The following FIZ1 variants were observed in gnomAD, a reference collection of about 807,000 sequenced individuals.
The protein encoded by FIZ1 is FLT3 interacting zinc finger 1, also known as flt3-interacting zinc finger protein 1.
FIZ1 carries 2 observed loss-of-function variants against 5.3 expected under a neutral mutation model. The ratio of observed to expected loss-of-function variants is 0.37; its 90% CI spans 0.15 to 1.18. The LOEUF (loss-of-function observed/expected upper bound fraction) is 1.18, where lower values mean the gene tolerates loss of function less well. FIZ1 is among the 50% of genes most tolerant of loss of function. The pLI, the probability that FIZ1 is intolerant of heterozygous loss-of-function variation, is 0.37. For missense variants in FIZ1, 631 were observed against 749.7 expected (o/e 0.84, Z 1.85); for synonymous variants, 407 against 364.2 (o/e 1.12, Z -1.34).
In FIZ1 at chr19:55,592,098, G is replaced by A. The variant is rs907187548; in HGVS notation, c.*352C>T. On this transcript the variant is annotated 3_prime_UTR_variant, in exon 3 of 3. Transcript: ENST00000221665. This position sits in a 1 kb window ranked among gnomAD's most constrained non-coding sequence, Gnocchi z 6.9. ...TGGGTGCCCATCTTTTAGTATTAGG[G>A]CTCTCAAGATGAGAGGTACTTGTGG... 3.9e-6 allele frequency: 1 copy of A among 258,774 alleles called. No homozygotes were observed. The highest frequency in any genetic ancestry group is 2.2e-5 in the African/African-American group (1 of 44,980). 16.0% of individuals were successfully genotyped at this position (258,774 alleles called of 1,614,324 possible). A position where few individuals can be genotyped will look rare whatever the true frequency, so the allele number is the denominator to read the frequency against.
chr19:55,593,023 C>A lies in FIZ1; in HGVS notation c.918G>T (p.Gly306=). The change falls in exon 3 of 3, where the codon GGG becomes GGT. Residue 306 remains glycine (G), a synonymous_variant. Coordinates refer to ENST00000221665, the MANE Select transcript of FIZ1 (RefSeq NM_032836.3). This position sits in a 1 kb window ranked among gnomAD's most constrained non-coding sequence, Gnocchi z 6.3. ...CCCCACCGCCCTCGGGGAGCAGCCC[C>A]CCGAGCTTGGGCACGCCGCCCCCCG... ...GPAGGGVPKL[G]GLLPEGGGEA... is the part of the protein sequence containing the mutation. 6.9e-7 allele frequency: 1 copy of A among 1,445,714 alleles called. No individual in the cohort carries two copies. Among genetic ancestry groups the A allele is most frequent in the African/African-American group, 1.5e-5 (1 of 66,488 alleles). 89.6% of individuals were successfully genotyped at this position (1,445,714 alleles called of 1,614,324 possible). A position where few individuals can be genotyped will look rare whatever the true frequency, so the allele number is the denominator to read the frequency against.
At position 55,593,371 on chromosome 19, in the gene FIZ1, T is replaced by C; in HGVS notation, c.570A>G (p.Ala190=). 1 of 1,369,782 alleles carries C rather than the reference T, an allele frequency of 7.3e-7. No individual in the cohort carries two copies. Among genetic ancestry groups the C allele is most frequent in the Non-Finnish European group, 9.3e-7 (1 of 1,070,588 alleles). The allele number at this position is 1,369,782 out of a possible 1,614,324, so 84.9% of individuals were successfully genotyped here. A position where few individuals can be genotyped will look rare whatever the true frequency, so the allele number is the denominator to read the frequency against. ...GGGGCAAGGAGGCCGCGGCCGCAGC[T>C]GCCGCCTCTGCCAGCCCCCAGCTGC... ...GLGSWGLAEA[A]AAAAASLPPF... The change falls in exon 3 of 3, where the codon GCA becomes GCG. Residue 190 remains alanine, a synonymous_variant. Transcript: ENST00000221665. The surrounding 1 kb of genome is among the most constrained non-coding windows in gnomAD (Gnocchi z 6.3).
In FIZ1 at chr19:55,593,379, C is replaced by T. The variant is rs1454086893; in HGVS notation, c.562G>A (p.Glu188Lys). The change falls in exon 3 of 3, where the codon GAG (glutamate) becomes AAG (lysine). Residue 188 changes from glutamate to lysine, a missense_variant. Physicochemically the swap from Glu to Lys is moderately conservative, Grantham distance 56. Transcript: ENST00000221665. This position sits in a 1 kb window ranked among gnomAD's most constrained non-coding sequence, Gnocchi z 6.3. The part of the protein sequence containing the change: ...GAGLGSWGLA[E>K]AAAAAAASLP... ...GAGGCCGCGGCCGCAGCTGCCGCCTCTGCCAGCCCCCAGCTGCCCAGACCC... is the reference window on the plus strand; with the variant it reads ...GAGGCCGCGGCCGCAGCTGCCGCCTTTGCCAGCCCCCAGCTGCCCAGACCC... 2 of 1,380,410 alleles carry T rather than the reference C, an allele frequency of 1.4e-6. No homozygotes were observed. The highest frequency in any genetic ancestry group is 3.1e-5 in the East Asian group (1 of 32,656). 85.5% of individuals were successfully genotyped at this position (1,380,410 alleles called of 1,614,324 possible). A position where few individuals can be genotyped will look rare whatever the true frequency, so the allele number is the denominator to read the frequency against.
Position 55,592,851 on chromosome 19 carries a change from C to A in FIZ1, c.1090G>T (p.Gly364Trp). The part of the protein sequence containing the change: ...GPATYGCGHC[G>W]ALYAALAALE... ...GCGGCCAGCGCCGCGTACAGAGCCC[C>A]GCAGTGGCCGCAGCCGTAGGTGGCC... is the stretch of plus-strand genomic sequence containing the variant. The change falls in exon 3 of 3, where the codon GGG becomes TGG. Residue 364 changes from glycine (G) to tryptophan (W), a missense_variant. Physicochemically the swap from Gly to Trp is radical, Grantham distance 184. Coordinates refer to ENST00000221665, the MANE Select transcript of FIZ1 (RefSeq NM_032836.3). This position sits in a 1 kb window ranked among gnomAD's most constrained non-coding sequence, Gnocchi z 6.9. 1 of 1,547,300 alleles carries A rather than the reference C, an allele frequency of 6.5e-7. No homozygotes were observed. The highest frequency in any genetic ancestry group is 2.4e-5 in the East Asian group (1 of 41,542).
At position 55,598,156 on chromosome 19, in the gene FIZ1, C is replaced by T. The variant is rs563085566; in HGVS notation, c.-36-255G>A. ...CACGGAGTGTTTTTAAGCCTCTCCT[C>T]GCTCTTCGCCAATGCGCGGCCACTG... On this transcript the variant is annotated intron_variant, in intron 1 of 2. Coordinates refer to ENST00000221665, the MANE Select transcript of FIZ1 (RefSeq NM_032836.3). The T allele has an allele frequency of 5.4e-5, 26 of 485,690 alleles. No individual in the cohort carries two copies. The South Asian group carries it at 7.9e-4, about 15-fold the overall frequency. The allele number at this position is 485,690 out of a possible 1,614,324, so 30.1% of individuals were successfully genotyped here.
At position 55,593,766 on chromosome 19, in the gene FIZ1, T is replaced by G; in HGVS notation, c.295-120A>C. The G allele has an allele frequency of 1.1e-6, 1 of 879,862 alleles. No individual in the cohort carries two copies. Among genetic ancestry groups the G allele is most frequent in the Non-Finnish European group, 1.8e-6 (1 of 559,078 alleles). 54.5% of individuals were successfully genotyped at this position (879,862 alleles called of 1,614,324 possible). ...CTGTCACACCTACAGGGCCATGATCTAGGGAAACGCTCGTCCTATCACTCT... is the reference window on the plus strand; with the variant it reads ...CTGTCACACCTACAGGGCCATGATCGAGGGAAACGCTCGTCCTATCACTCT... On this transcript the variant is annotated intron_variant, in intron 2 of 2. Coordinates refer to ENST00000221665, the MANE Select transcript of FIZ1 (RefSeq NM_032836.3). The surrounding 1 kb of genome is among the most constrained non-coding windows in gnomAD (Gnocchi z 6.3).
At position 55,593,249 on chromosome 19, in the gene FIZ1, G is replaced by A; in HGVS notation, c.692C>T (p.Pro231Leu). 7.9e-7 allele frequency: 1 copy of A among 1,267,054 alleles called. No homozygotes were observed. Among genetic ancestry groups the A allele is most frequent in the South Asian group, 1.8e-5 (1 of 56,058 alleles). The allele number at this position is 1,267,054 out of a possible 1,614,324, so 78.5% of individuals were successfully genotyped here. The change falls in exon 3 of 3, where the codon CCG becomes CTG. Residue 231 changes from proline (P) to leucine (L), a missense_variant. Physicochemically the swap from Pro to Leu is moderately conservative, Grantham distance 98 (BLOSUM62 -3). This residue lies in a region of FIZ1 where 463 missense variants were observed against 455.1 expected (regional missense o/e 1.02). Transcript: ENST00000221665. This position sits in a 1 kb window ranked among gnomAD's most constrained non-coding sequence, Gnocchi z 6.3. ...CGCGTTGAAGTCGCGCTCGCAGCGC[G>A]GGCACTTGAAGGGCTTCACGTCGGT... ...AHTDVKPFKC[P>L]RCERDFNAPA...
rs777651870 is a variant in FIZ1, at chr19:55,592,828, G to A, written c.1113C>T (p.Ala371=). The A allele has an allele frequency of 1.6e-5, 25 of 1,571,224 alleles. No individual in the cohort carries two copies. Among genetic ancestry groups the A allele is most frequent in the Non-Finnish European group, 2.1e-5 (24 of 1,163,986 alleles). The stretch of plus-strand genomic sequence containing the variant: ...TGACCCGCCGGTGCTCCTCCAAGGC[G>A]GCCAGCGCCGCGTACAGAGCCCCGC... ...GHCGALYAAL[A]ALEEHRRVSH... The change falls in exon 3 of 3, where the codon GCC becomes GCT. Residue 371 remains alanine, a synonymous_variant. Transcript: ENST00000221665. The surrounding 1 kb of genome is among the most constrained non-coding windows in gnomAD (Gnocchi z 6.9).
rs919931147 is a variant in FIZ1, at chr19:55,592,381, C to A, written c.*69G>T. 14 of 1,425,730 alleles carry A rather than the reference C, an allele frequency of 9.8e-6. No homozygotes were observed. The highest frequency in any genetic ancestry group is 1.3e-5 in the Non-Finnish European group (14 of 1,069,696). 88.3% of individuals were successfully genotyped at this position (1,425,730 alleles called of 1,614,324 possible). On this transcript the variant is annotated 3_prime_UTR_variant, in exon 3 of 3. Coordinates refer to ENST00000221665, the MANE Select transcript of FIZ1 (RefSeq NM_032836.3). This position sits in a 1 kb window ranked among gnomAD's most constrained non-coding sequence, Gnocchi z 6.9. ...GGAGGGCCGGGGCCTCACGCGCAGT[C>A]CCGAGGTCCCCTGGTCCAGGCCGAG... is the stretch of plus-strand genomic sequence containing the variant.
Position 55,597,601 on chromosome 19 carries a change from G to A in FIZ1, c.265C>T (p.Arg89Cys). The change falls in exon 2 of 3, where the codon CGC becomes TGC. Residue 89 changes from arginine to cysteine, a missense_variant. Physicochemically the swap from Arg to Cys is radical, Grantham distance 180 (BLOSUM62 -3). Around this residue, in one of 4 missense-constraint regions of FIZ1, gnomAD observed 68 missense variants for 163.4 expected, o/e 0.42. Transcript: ENST00000221665. Reference sequence around the variant, plus strand: ...TGGTGCAGCAGGCCGGTGGAGTCGCGGAACCCCTTGGGGCAGGCAGAGCAG... The same window carrying A: ...TGGTGCAGCAGGCCGGTGGAGTCGCAGAACCCCTTGGGGCAGGCAGAGCAG... ...YRCSACPKGFRDSTGLLHHQV... is the reference protein window; with the variant it reads ...YRCSACPKGFCDSTGLLHHQV... 1 of 1,612,594 alleles carries A rather than the reference G, an allele frequency of 6.2e-7. No homozygotes were observed.
chr19:55,596,807 G>A (rs1980348540), intron 2 of FIZ1, among the ~76,000 whole-genome samples: 1 of 152,078 alleles, frequency 6.6e-6, no homozygotes, highest in African/African-American at 2.4e-5. Context: ...CAAGTAGCTG[G>A]GATTACAGGT....
In FIZ1 at chr19:55,591,722, G is replaced by A. The variant is rs1207802764; in HGVS notation, c.*728C>T. 6.5e-6 allele frequency: 1 copy of A among 152,674 alleles called. No individual in the cohort carries two copies. The highest frequency in any genetic ancestry group is 1.5e-5 in the Non-Finnish European group (1 of 68,104). The allele number at this position is 152,674 out of a possible 1,614,324, so 9.5% of individuals were successfully genotyped here. A position where few individuals can be genotyped will look rare whatever the true frequency, so the allele number is the denominator to read the frequency against. On this transcript the variant is annotated 3_prime_UTR_variant, in exon 3 of 3. Coordinates refer to ENST00000221665, the MANE Select transcript of FIZ1 (RefSeq NM_032836.3). ...CCTAGACCAGCCCATTCCATGTGAT[G>A]GGGGTGTGTGCACATAGATCAGTCC... is the stretch of plus-strand genomic sequence containing the variant.
In FIZ1 at chr19:55,597,586, G is replaced by C; in HGVS notation, c.280C>G (p.Leu94Val). ...GTGGGACTCACCTGGTGGTGCAGCA[G>C]GCCGGTGGAGTCGCGGAACCCCTTG... ...CPKGFRDSTG[L>V]LHHQVVHTGE... Residue 94 changes from leucine (L) to valine (V), a missense_variant, in exon 2 of 3, where the codon CTG becomes GTG. This residue lies in a region of FIZ1 where 68 missense variants were observed against 163.4 expected (regional missense o/e 0.42). Coordinates refer to ENST00000221665, the MANE Select transcript of FIZ1 (RefSeq NM_032836.3). 6.2e-7 allele frequency: 1 copy of C among 1,611,466 alleles called. No homozygotes were observed. The highest frequency in any genetic ancestry group is 1.1e-5 in the South Asian group (1 of 90,980).
Position 55,593,242 on chromosome 19 carries a change from G to T in FIZ1, c.699C>A (p.Cys233Ter). The T allele has an allele frequency of 8.0e-7, 1 of 1,251,286 alleles. No individual in the cohort carries two copies. Among genetic ancestry groups the T allele is most frequent in the Middle Eastern group, 3.0e-4 (1 of 3,322 alleles). The allele number at this position is 1,251,286 out of a possible 1,614,324, so 77.5% of individuals were successfully genotyped here. ...GCGCGGGCGCGTTGAAGTCGCGCTC[G>T]CAGCGCGGGCACTTGAAGGGCTTCA... ...TDVKPFKCPR[C>*]ERDFNAPALL... Residue 233 changes from cysteine (C) to a stop codon, truncating the protein, a stop_gained, in exon 3 of 3, where the codon TGC becomes TGA. Coordinates refer to ENST00000221665, the MANE Select transcript of FIZ1 (RefSeq NM_032836.3). LOFTEE classifies it low-confidence loss of function (END_TRUNC). The surrounding 1 kb of genome is among the most constrained non-coding windows in gnomAD (Gnocchi z 6.3).
chr19:55,598,998 C>A (rs1980480307), intron 1 of FIZ1: 1 of 152,826 alleles, frequency 6.5e-6, no homozygotes, highest in South Asian at 2.0e-4. Context: ...ACCCAACCAG[C>A]CTCAATGAGT....
In FIZ1 at chr19:55,592,786, G is replaced by A. The variant is rs114339119; in HGVS notation, c.1155C>T (p.Gly385=). Residue 385 remains glycine (G), a synonymous_variant, in exon 3 of 3, where the codon GGC becomes GGT. Coordinates refer to ENST00000221665, the MANE Select transcript of FIZ1 (RefSeq NM_032836.3). The surrounding 1 kb of genome is among the most constrained non-coding windows in gnomAD (Gnocchi z 6.9). ...EHRRVSHGEG[G]GEEAATAARE... ...GGGCGGCGGTCGCCGCCTCCTCCCC[G>A]CCGCCCTCACCGTGGCTGACCCGCC... 2,523 of 1,595,360 alleles carry A rather than the reference G, an allele frequency of 1.6e-3. 44 individuals carry two copies. The African/African-American group carries it at 0.03, about 19-fold the overall frequency.
chr19:55,598,014 AC>A (rs1190065585), intron 1 of FIZ1, 113 bp from the exon 2 acceptor site: 121 of 1,183,416 alleles, frequency 1.0e-4, no homozygotes, highest in Non-Finnish European at 1.3e-4. Context: ...CCCACTGCCC[AC>A]CTCTCTAAGC....
In FIZ1 at chr19:55,593,413, C is replaced by A; in HGVS notation, c.528G>T (p.Gly176=). The A allele has an allele frequency of 6.8e-7, 1 of 1,476,336 alleles. No individual in the cohort carries two copies. The highest frequency in any genetic ancestry group is 8.9e-7 in the Non-Finnish European group (1 of 1,120,982). The allele number at this position is 1,476,336 out of a possible 1,614,324, so 91.5% of individuals were successfully genotyped here. Residue 176 remains glycine (G), a synonymous_variant, in exon 3 of 3, where the codon GGG becomes GGT. Transcript: ENST00000221665. This position sits in a 1 kb window ranked among gnomAD's most constrained non-coding sequence, Gnocchi z 6.3. ...SGAGGGEGPE[G]AGAGLGSWGL... ...CCCAGCTGCCCAGACCCGCGCCTGC[C>A]CCCTCGGGGCCCTCTCCGCCGCCGG...
At position 55,593,305 on chromosome 19, in the gene FIZ1, G is replaced by A. The variant is rs1980139371; in HGVS notation, c.636C>T (p.Gly212=). Reference sequence around the variant, plus strand: ...CCGCCCAGTGGGCCGCCAGCTCGCGGCCGTGGTCGAAGCGCCGCGCGCAGG... The same window carrying A: ...CCGCCCAGTGGGCCGCCAGCTCGCGACCGTGGTCGAAGCGCCGCGCGCAGG... The part of the protein sequence containing the change: ...CGACARRFDH[G]RELAAHWAAH... The change falls in exon 3 of 3, where the codon GGC becomes GGT. Residue 212 remains glycine (G), a synonymous_variant. Coordinates refer to ENST00000221665, the MANE Select transcript of FIZ1 (RefSeq NM_032836.3). The surrounding 1 kb of genome is among the most constrained non-coding windows in gnomAD (Gnocchi z 6.3). 2.4e-6 allele frequency: 3 copies of A among 1,257,876 alleles called. No homozygotes were observed. Among genetic ancestry groups the A allele is most frequent in the Non-Finnish European group, 3.0e-6 (3 of 996,154 alleles). The allele number at this position is 1,257,876 out of a possible 1,614,324, so 77.9% of individuals were successfully genotyped here. A position where few individuals can be genotyped will look rare whatever the true frequency, so the allele number is the denominator to read the frequency against.
Sources: allele counts gnomAD v4.1 joint callset (sites outside exome capture counted in the v4.1 genomes callset), GRCh38; gene constraint gnomAD v4.1.1; regional missense constraint gnomAD v4.1.1; non-coding constraint Gnocchi (gnomAD v3.1); transcripts MANE v1.5; gene names NCBI Gene and HGNC (gene_info 2026-07-23, HGNC 2026-07-21).